USP37: variants seen among roughly 807,000 people sequenced by gnomAD.
USP37 encodes ubiquitin specific peptidase 37.
USP37 carries 27 observed loss-of-function variants against 124.0 expected under a neutral mutation model. The ratio of observed to expected loss-of-function variants is 0.22; its 90% CI spans 0.16 to 0.30. USP37 has a LOEUF of 0.30. USP37 is among the 10% of genes least tolerant of loss of function. USP37 has a pLI of 1.00. For missense variants in USP37, 889 were observed against 1,140.4 expected (o/e 0.78, Z 3.17); for synonymous variants, 365 against 388.0 (o/e 0.94, Z 0.70).
chr2:218,496,679 G>A (rs1320638767), intron 13 of USP37, among the ~76,000 whole-genome samples: 2 of 151,558 alleles, frequency 1.3e-5, no homozygotes, highest in Admixed American at 1.3e-4. Flanking sequence ...ACAGATTTTC[G>A]CTCTTGTCAC....
chr2:218,560,036 C>T (rs1318331422), intron 3 of USP37, among the ~76,000 whole-genome samples: 3 of 151,836 alleles, frequency 2.0e-5, no homozygotes, highest in East Asian at 1.9e-4. Context: ...CAGCAATAAT[C>T]GGATGTGTAA....
chr2:218,483,298 G>T (rs77949935), intron 16 of USP37, among the ~76,000 whole-genome samples: 2 of 138,268 alleles, frequency 1.4e-5, no homozygotes, highest in Admixed American at 6.9e-5. Flanking sequence ...AGTAAAAGGT[G>T]GGGGGGAAGG....
In USP37 at chr2:218,456,481, A is replaced by G. The variant is rs563569703; in HGVS notation, c.2713+611T>C. 5.9e-5 allele frequency among the ~76,000 whole-genome samples: 9 copies of G among 151,904 alleles called. No homozygotes were observed. The South Asian group carries it at 1.9e-3, about 32-fold the overall frequency. The stretch of plus-strand genomic sequence containing the variant: ...CTCTTGAAAAAAAAAAAAAGAAAAA[A>G]GAAGAAAAAAATATTTGTATATACA... On this transcript the variant is annotated intron_variant, in intron 24 of 25. Coordinates refer to ENST00000258399, the MANE Select transcript of USP37 (RefSeq NM_020935.3).
rs1196787645 is a variant in USP37 at position 218,450,658 on chromosome 2, C to T, written c.*4272G>A. ...CCCACATGTGGTCTCACTCTTCACA[C>T]AGGCCCACTATTTTTGAAGTAGACC... On this transcript the variant is annotated 3_prime_UTR_variant, in exon 26 of 26. Transcript: ENST00000258399. 2 of 152,472 alleles carry T rather than the reference C, an allele frequency of 1.3e-5. No individual in the cohort carries two copies. Among genetic ancestry groups the T allele is most frequent in the Non-Finnish European group, 2.9e-5 (2 of 68,050 alleles). 9.4% of individuals were successfully genotyped at this position (152,472 alleles called of 1,614,324 possible). A position where few individuals can be genotyped will look rare whatever the true frequency, so the allele number is the denominator to read the frequency against.
intron 14 of USP37, 138 bp downstream of exon 14, chr2:218,495,622 C>T (rs1689042843): frequency 1.1e-6 from 1 of 930,322 alleles, no homozygotes; most frequent in Non-Finnish European, 1.5e-6. Flanking sequence ...TGCCACTGCA[C>T]CCAAGAGCCT....
rs145355579 is a variant in USP37 at position 218,497,744 on chromosome 2, T to G, written c.1271A>C (p.Tyr424Ser). The G allele has an allele frequency of 6.2e-7, 1 of 1,614,094 alleles. No individual in the cohort carries two copies. The highest frequency in any genetic ancestry group is 8.5e-7 in the Non-Finnish European group (1 of 1,180,002). The change falls in exon 13 of 26, where the codon TAT becomes TCT. Residue 424 changes from tyrosine (Y) to serine (S), a missense_variant. By Grantham distance (144) the Tyr-to-Ser change is moderately radical. Transcript: ENST00000258399. ...ISATAERFSG[Y>S]MQNDAHEFLS... ...ACAATTAATACTCACATTCTGCATA[T>G]AACCAGAGAATCTCTCTGCTGTAGC...
chr2:218,500,192 A>C (rs1466178106), intron 11 of USP37, among the ~76,000 whole-genome samples: 1 of 152,152 alleles, frequency 6.6e-6, no homozygotes, highest in Admixed American at 6.5e-5. Flanking sequence ...CTCATGCCTC[A>C]GCCTCCCAAA....
chr2:218,487,495 A>AC (rs1211252375), intron 15 of USP37, among the ~76,000 whole-genome samples: 18 of 151,954 alleles, frequency 1.2e-4, no homozygotes, highest in Admixed American at 1.3e-4. Flanking sequence ...ATCTTGGCTC[A>AC]CTGCAACCTC....
At chr2:218,483,660 C>T (rs993688174) in intron 16 of USP37, among the ~76,000 whole-genome samples, 2 of 150,554 alleles carry the variant, frequency 1.3e-5, no homozygotes, top group African/African-American at 4.9e-5. Flanking sequence ...ATTTTTTTCC[C>T]CCCACTTGAA....
intron 4 of USP37, 93 bp downstream of exon 4, chr2:218,558,405 A>G (rs1693142019): frequency 9.1e-7 from 1 of 1,099,598 alleles, no homozygotes; most frequent in Non-Finnish European, 1.3e-6. Context: ...TTAATCTAGG[A>G]GGAGGGCTAC....
chr2:218,470,703 TTC>T, intron 20 of USP37, among the ~76,000 whole-genome samples: 1 of 152,344 alleles, frequency 6.6e-6, no homozygotes, highest in East Asian at 1.9e-4. Context: ...GCTTTCTCAT[TTC>T]TGAGTCTTTG....
chr2:218,468,290 C>T (rs564509), intron 20 of USP37, among the ~76,000 whole-genome samples: 91,765 of 151,550 alleles, frequency 0.61, 27,985 homozygotes, highest in East Asian at 0.78. Flanking sequence ...TTGCAACCTC[C>T]ACCTCCCGGG....
intron 20 of USP37, among the ~76,000 whole-genome samples, chr2:218,466,612 G>A (rs1432130436): frequency 1.3e-5 from 2 of 152,112 alleles, no homozygotes; most frequent in African/African-American, 4.8e-5. Flanking sequence ...GTAAAGATGG[G>A]GAAGAAAAAA....
At chr2:218,482,833 A>G (rs957434854) in intron 16 of USP37, among the ~76,000 whole-genome samples, 13 of 152,194 alleles carry the variant, frequency 8.5e-5, no homozygotes, top group Non-Finnish European at 1.6e-4. Context: ...AGCTCTTTAG[A>G]AGCACTGAAT....
At chr2:218,462,123 C>T (rs1261197014) in intron 22 of USP37, among the ~76,000 whole-genome samples, 1 of 151,912 alleles carries the variant, frequency 6.6e-6, no homozygotes, top group Non-Finnish European at 1.5e-5. Context: ...TGCCATTGCA[C>T]TCCAGCCTCG....
chr2:218,489,908 TTAAC>T (rs1448970593), intron 14 of USP37, among the ~76,000 whole-genome samples: 2 of 152,222 alleles, frequency 1.3e-5, no homozygotes, highest in Non-Finnish European at 2.9e-5. Flanking sequence ...ATTGTAATAT[TTAAC>T]TATGCCTGCT....
Position 218,455,646 on chromosome 2 carries a change from T to A in USP37, c.2786A>T (p.Lys929Ile). 3 of 1,614,246 alleles carry A rather than the reference T, an allele frequency of 1.9e-6. No homozygotes were observed. The highest frequency in any genetic ancestry group is 1.7e-6 in the Non-Finnish European group (2 of 1,180,034). ...ACTCTGCACGGCAGCCTCTTGGATT[T>A]TTGATACCTCCAGGTCATTGTAAGT... is the stretch of plus-strand genomic sequence containing the variant. The part of the protein sequence containing the change: ...WFTYNDLEVS[K>I]IQEAAVQSDR... The change falls in exon 25 of 26, where the codon AAA becomes ATA. Residue 929 changes from lysine (K) to isoleucine (I), a missense_variant. Coordinates refer to ENST00000258399, the MANE Select transcript of USP37 (RefSeq NM_020935.3).
intron 11 of USP37, 50 bp downstream of exon 11, chr2:218,509,929 C>T (rs780388024): frequency 4.1e-6 from 6 of 1,472,706 alleles, no homozygotes; most frequent in Non-Finnish European, 5.4e-6. Flanking sequence ...AAGCACACTT[C>T]TATTGAATCA....
At chr2:218,508,296 A>G (rs1689792429) in intron 11 of USP37, among the ~76,000 whole-genome samples, 2 of 150,042 alleles carry the variant, frequency 1.3e-5, no homozygotes, top group South Asian at 4.2e-4. Context: ...TTTTAAAAGG[A>G]GTTCTTAGTC....
Sources: allele counts gnomAD v4.1 joint callset (sites outside exome capture counted in the v4.1 genomes callset), GRCh38; gene constraint gnomAD v4.1.1; transcripts MANE v1.5; gene names NCBI Gene and HGNC (gene_info 2026-07-23, HGNC 2026-07-21).